EVC: variants seen among roughly 807,000 people sequenced by gnomAD.
The protein encoded by EVC is evC complex member EVC.
Under a neutral mutation model 118.9 loss-of-function variants are expected in EVC, and 116 were observed. That is an observed-to-expected ratio of 0.98 (90% CI 0.84 to 1.14). EVC has a LOEUF of 1.14. EVC is among the 50% of genes most tolerant of loss of function. EVC has a pLI of 0.00. For synonymous variants in EVC, 619 were observed against 534.7 expected (o/e 1.16, Z -2.18); for missense variants, 1,401 against 1,246.4 (o/e 1.12, Z -1.87).
At chr4:5,748,390 A>T (rs1729696561) in intron 8 of EVC, 84 bp downstream of exon 8, 1 of 1,478,818 alleles carries the variant, frequency 6.8e-7, no homozygotes, top group Admixed American at 1.8e-5. Flanking sequence ...CTTAAATCTA[A>T]CAGATTCATG....
chr4:5,783,086 G>T (rs888382242), intron 11 of EVC, among the ~76,000 whole-genome samples: 2 of 152,132 alleles, frequency 1.3e-5, no homozygotes, highest in Non-Finnish European at 2.9e-5. Context: ...CTGTGCGTGT[G>T]TGCGTGTGTG....
Position 5,797,074 on chromosome 4 carries a change from C to G in EVC, c.1939C>G (p.Arg647Gly). Residue 647 changes from arginine to glycine, a missense_variant, in exon 14 of 21, where the codon CGG becomes GGG. By Grantham distance (125) the Arg-to-Gly change is moderately radical. Coordinates refer to ENST00000264956, the MANE Select transcript of EVC (RefSeq NM_153717.3). ...GHDLLLRSALRRLALRGNALA... is the reference protein window; with the variant it reads ...GHDLLLRSALGRLALRGNALA... ...TGACCTGCTGTTGCGCTCAGCCCTC[C>G]GGAGGCTGGCACTCCGCGGCAACGC... is the stretch of plus-strand genomic sequence containing the variant. 6.2e-7 allele frequency: 1 copy of G among 1,613,528 alleles called. No homozygotes were observed. The highest frequency in any genetic ancestry group is 8.5e-7 in the Non-Finnish European group (1 of 1,180,010).
At chr4:5,748,441 A>G (rs1004972781) in intron 8 of EVC, 135 bp downstream of exon 8, 1 of 843,652 alleles carries the variant, frequency 1.2e-6, no homozygotes, top group South Asian at 1.7e-5. Flanking sequence ...AAAAAAACCA[A>G]CAACAACAGT....
chr4:5,751,013 C>T (rs1730270322), intron 8 of EVC, among the ~76,000 whole-genome samples: 1 of 152,074 alleles, frequency 6.6e-6, no homozygotes, highest in African/African-American at 2.4e-5. Context: ...TTCAAAGGGA[C>T]CCTGACGGTC....
chr4:5,753,124 G>A (rs1301898558), intron 9 of EVC, 72 bp downstream of exon 9: 18 of 1,405,928 alleles, frequency 1.3e-5, no homozygotes, highest in Admixed American at 2.0e-5. Context: ...GCAGTGAGAG[G>A]GCTGGCAGCC....
the EVC span, among the ~76,000 whole-genome samples, chr4:5,822,222 G>C: frequency 6.6e-6 from 1 of 152,164 alleles, no homozygotes; most frequent in Non-Finnish European, 1.5e-5. Context: ...ACTATGAAGG[G>C]GGTGTTTGTA....
At chr4:5,760,285 T>C (rs975737584) in intron 11 of EVC, among the ~76,000 whole-genome samples, 8 of 152,042 alleles carry the variant, frequency 5.3e-5, no homozygotes, top group African/African-American at 1.7e-4. Context: ...GAGTTGTCAA[T>C]GATGCCAAAA....
At position 5,745,286 on chromosome 4, in the gene EVC, C is replaced by G. The variant is rs754532508; in HGVS notation, c.884C>G (p.Thr295Ser). ...GGGGCTGGTGACTCTGAGTACATCA[C>G]CCTGGCTGATGTGGAAAAGAAGGAG... ...MSGAGDSEYI[T>S]LADVEKKERE... Residue 295 changes from threonine to serine, a missense_variant, in exon 7 of 21, where the codon ACC (threonine) becomes AGC (serine). Thr to Ser is a moderately conservative substitution (Grantham distance 58). Coordinates refer to ENST00000264956, the MANE Select transcript of EVC (RefSeq NM_153717.3). 29 of 1,613,740 alleles carry G rather than the reference C, an allele frequency of 1.8e-5. No individual in the cohort carries two copies. In the East Asian group the frequency reaches 4.7e-4, roughly 26 times the overall value.
chr4:5,725,312 A>G (rs764618368), intron 2 of EVC, among the ~76,000 whole-genome samples: 2 of 152,182 alleles, frequency 1.3e-5, no homozygotes, highest in Non-Finnish European at 2.9e-5. Flanking sequence ...GTCTTCCACA[A>G]TGGTTGAACT....
At chr4:5,794,228 T>A (rs28470422) in intron 13 of EVC, among the ~76,000 whole-genome samples, 38,710 of 133,446 alleles carry the variant, frequency 0.29, 6,415 homozygotes, top group South Asian at 0.55. Flanking sequence ...ATGAGAAAAA[T>A]ATATATATAT....
At chr4:5,730,091 C>T (rs952214951) in intron 3 of EVC, among the ~76,000 whole-genome samples, 2 of 152,160 alleles carry the variant, frequency 1.3e-5, no homozygotes, top group African/African-American at 2.4e-5. Flanking sequence ...CAGTCCTAAC[C>T]CCATCTCAGC....
chr4:5,802,016 C>T lies in EVC; in HGVS notation c.2371C>T (p.Gln791Ter). ...CAGCGCTGGTGTCAGCCGCCTGGTG[C>T]AGGCGTATTACCAGCAAATCGGAAG... Reference protein sequence around the residue: ...VTSAGVSRLVQAYYQQIGRIM... With the variant: ...VTSAGVSRLV The change falls in exon 16 of 21, where the codon CAG becomes TAG. Residue 791 changes from glutamine to a stop codon, truncating the protein, a stop_gained. Transcript: ENST00000264956. LOFTEE classifies it high-confidence loss of function. The T allele has an allele frequency of 6.2e-7, 1 of 1,614,192 alleles. No individual in the cohort carries two copies. The highest frequency in any genetic ancestry group is 8.5e-7 in the Non-Finnish European group (1 of 1,180,026).
Position 5,798,740 on chromosome 4 carries a change from A to G in EVC, c.2252A>G (p.His751Arg), listed in dbSNP as rs1230662303. 7 of 1,611,058 alleles carry G rather than the reference A, an allele frequency of 4.3e-6. No homozygotes were observed. In the Admixed American group the frequency reaches 6.7e-5, roughly 15 times the overall value. Reference protein sequence around the residue: ...ECAIGQALLVHARNAATKSRA... With the variant: ...ECAIGQALLVRARNAATKSRA... ...GCCATTGGGCAGGCGCTGCTGGTGCATGCACGGAATGCAGCCACCAAGAGC... is the reference window on the plus strand; with the variant it reads ...GCCATTGGGCAGGCGCTGCTGGTGCGTGCACGGAATGCAGCCACCAAGAGC... Residue 751 changes from histidine (H) to arginine (R), a missense_variant, in exon 15 of 21, where the codon CAT (histidine) becomes CGT (arginine). His to Arg is a conservative substitution (Grantham distance 29). Coordinates refer to ENST00000264956, the MANE Select transcript of EVC (RefSeq NM_153717.3). This position sits in a 1 kb window ranked among gnomAD's most constrained non-coding sequence, Gnocchi z 4.1.
At chr4:5,730,910 GTGGTGTGCA>G (rs35206331) in intron 3 of EVC, among the ~76,000 whole-genome samples, 44,710 of 123,810 alleles carry the variant, frequency 0.36, 6,881 homozygotes, top group African/African-American at 0.47. Flanking sequence ...TCCTGTGGGC[GTGGTGTGCA>G]TGGTGTGCAT....
downstream of EVC, among the ~76,000 whole-genome samples, chr4:5,817,653 T>C (rs1183812601): frequency 6.6e-6 from 1 of 152,218 alleles, no homozygotes; most frequent in Non-Finnish European, 1.5e-5. Flanking sequence ...AATGAACCTT[T>C]AGGCAAATGA....
Position 5,812,657 on chromosome 4 carries a change from C to T in EVC, c.*1620C>T. 1 of 168,362 alleles carries T rather than the reference C, an allele frequency of 5.9e-6. No individual in the cohort carries two copies. Among genetic ancestry groups the T allele is most frequent in the Non-Finnish European group, 1.3e-5 (1 of 79,362 alleles). The allele number at this position is 168,362 out of a possible 1,614,324, so 10.4% of individuals were successfully genotyped here. On this transcript the variant is annotated 3_prime_UTR_variant, in exon 21 of 21. Transcript: ENST00000264956. ...TTCCCACCTGGAGGGAAAATTGCTCCTTTGATGGAGGTTAGGGACTGTCAC... is the reference window on the plus strand; with the variant it reads ...TTCCCACCTGGAGGGAAAATTGCTCTTTTGATGGAGGTTAGGGACTGTCAC...
intron 11 of EVC, among the ~76,000 whole-genome samples, chr4:5,778,609 A>T (rs538202901): frequency 6.6e-6 from 1 of 151,932 alleles, no homozygotes; most frequent in Non-Finnish European, 1.5e-5. Flanking sequence ...GCATTTTTTC[A>T]TGTGTTTTTT....
Position 5,737,593 on chromosome 4 carries a change from G to A in EVC, c.703-4123G>A, listed in dbSNP as rs79924855. 0.08 allele frequency among the ~76,000 whole-genome samples: 12,136 copies of A among 152,218 alleles called. 632 individuals are homozygous for A. Among genetic ancestry groups the A allele is most frequent in the East Asian group, 0.28 (1,433 of 5,168 alleles). ...GAAGCCAGTGCTCATGCACCACTCC[G>A]AAAGTCCTAGGGCCCTTAAGGGTGA... On this transcript the variant is annotated intron_variant, in intron 5 of 20. Coordinates refer to ENST00000264956, the MANE Select transcript of EVC (RefSeq NM_153717.3). The surrounding 1 kb of genome is among the most constrained non-coding windows in gnomAD (Gnocchi z 5.0).
At chr4:5,735,377 T>A (rs150459570) in intron 5 of EVC, among the ~76,000 whole-genome samples, 195 of 152,270 alleles carry the variant, frequency 1.3e-3, no homozygotes, top group Non-Finnish European at 2.1e-3. Flanking sequence ...GTCCACCCTT[T>A]GACAATTAGG....
Sources: allele counts gnomAD v4.1 joint callset (sites outside exome capture counted in the v4.1 genomes callset), GRCh38; gene constraint gnomAD v4.1.1; non-coding constraint Gnocchi (gnomAD v3.1); transcripts MANE v1.5; gene names NCBI Gene and HGNC (gene_info 2026-07-23, HGNC 2026-07-21).